CDC14A: variants seen among roughly 807,000 people sequenced by gnomAD.
The protein encoded by CDC14A is dual specificity protein phosphatase CDC14A.
CDC14A carries 53 observed loss-of-function variants against 74.4 expected under a neutral mutation model. The observed-to-expected ratio is 0.71, with a 90% CI of 0.57 to 0.89. CDC14A has a LOEUF of 0.89. Ranked by LOEUF, CDC14A falls within the 40% of genes least tolerant of loss-of-function variation. The pLI, the probability that CDC14A is intolerant of heterozygous loss-of-function variation, is 0.00. For missense variants in CDC14A, 646 were observed against 713.7 expected (o/e 0.91, Z 1.08); for synonymous variants, 247 against 258.4 (o/e 0.96, Z 0.43).
chr1:100,467,888 G>T, intron 9 of CDC14A, 68 bp from the exon 10 acceptor site: 1 of 1,445,896 alleles, frequency 6.9e-7, no homozygotes, highest in South Asian at 1.4e-5. Context: ...GGCAAGGTTT[G>T]ATTTCAGTGT....
In CDC14A at chr1:100,491,568, A is replaced by T. The variant is rs1238572394; in HGVS notation, c.1138-3250A>T. Among the ~76,000 whole-genome samples the T allele has an allele frequency of 4.7e-3, 356 of 76,480 alleles. 12 individuals are homozygous for T. Among genetic ancestry groups the T allele is most frequent in the African/African-American group, 0.021 (317 of 14,964 alleles). The allele number at this position is 76,480 out of a possible 152,430, so 50.2% of individuals were successfully genotyped here. A position where few individuals can be genotyped will look rare whatever the true frequency, so the allele number is the denominator to read the frequency against. ...TCTCTCTATATATATATATATATAT[A>T]TATATTTTTTTTTTTTTTTTTTTTT... On this transcript the variant is annotated intron_variant, in intron 11 of 15. Transcript: ENST00000336454.
At chr1:100,493,447 C>T (rs1251570232) in intron 11 of CDC14A, among the ~76,000 whole-genome samples, 2 of 152,250 alleles carry the variant, frequency 1.3e-5, no homozygotes, top group Non-Finnish European at 1.5e-5. Context: ...GCCTAGCTGT[C>T]AGACCTTCCT....
chr1:100,401,981 T>C (rs1571075639), intron 4 of CDC14A, among the ~76,000 whole-genome samples: 2 of 151,462 alleles, frequency 1.3e-5, no homozygotes, highest in African/African-American at 4.9e-5. Flanking sequence ...GAGGTTGTGG[T>C]GAGCCGAGAT....
chr1:100,386,368 C>A (rs1345999323), intron 3 of CDC14A, among the ~76,000 whole-genome samples: 3 of 152,148 alleles, frequency 2.0e-5, no homozygotes, highest in African/African-American at 7.2e-5. Context: ...TGGAATTGAC[C>A]AATTTTAAAC....
chr1:100,429,694 ATATATATAT>A (rs1663406574), intron 5 of CDC14A, among the ~76,000 whole-genome samples: 7 of 145,016 alleles, frequency 4.8e-5, no homozygotes, highest in Non-Finnish European at 1.1e-4. Context: ...CAAAATATAT[ATATATATAT>A]CAAGTATATT....
intron 2 of CDC14A, among the ~76,000 whole-genome samples, chr1:100,357,935 T>C (rs1408374665): frequency 6.6e-6 from 1 of 152,164 alleles, no homozygotes; most frequent in Non-Finnish European, 1.5e-5. Context: ...AATGTCAACC[T>C]TCTGAGATGC....
rs767620330 is a variant in CDC14A, at chr1:100,496,063, G to C, written c.1298+14G>C. 5.0e-6 allele frequency: 8 copies of C among 1,607,464 alleles called. No homozygotes were observed. Among genetic ancestry groups the C allele is most frequent in the Non-Finnish European group, 6.8e-6 (8 of 1,174,008 alleles). On this transcript the variant is annotated intron_variant, in intron 13 of 15. Coordinates refer to ENST00000336454, the MANE Select transcript of CDC14A (RefSeq NM_003672.4). Reference sequence around the variant, plus strand: ...CCAGCCTTTCAGGTACTGCCAATGAGGTTGAATGTCTAGTAGCTTGTAAAT... The same window carrying C: ...CCAGCCTTTCAGGTACTGCCAATGACGTTGAATGTCTAGTAGCTTGTAAAT...
intron 15 of CDC14A, among the ~76,000 whole-genome samples, chr1:100,516,602 TG>T (rs1650256887): frequency 6.6e-6 from 1 of 152,090 alleles, no homozygotes; most frequent in African/African-American, 2.4e-5. Context: ...TTCTTATAGC[TG>T]GGGGACTTAA....
At chr1:100,401,535 A>G (rs1419113335) in intron 4 of CDC14A, among the ~76,000 whole-genome samples, 1 of 152,252 alleles carries the variant, frequency 6.6e-6, no homozygotes, top group Non-Finnish European at 1.5e-5. Flanking sequence ...AAAGTGTGTT[A>G]TATAGAACTG....
At position 100,417,830 on chromosome 1, in the gene CDC14A, C is replaced by T. The variant is rs1477081252; in HGVS notation, c.310-6392C>T. Reference sequence around the variant, plus strand: ...CCTTTTGGGTAGATGCATTCTTATCCTTATATGTTTAAAGTAGCTGTTCAT... The same window carrying T: ...CCTTTTGGGTAGATGCATTCTTATCTTTATATGTTTAAAGTAGCTGTTCAT... On this transcript the variant is annotated intron_variant, in intron 4 of 15. Coordinates refer to ENST00000336454, the MANE Select transcript of CDC14A (RefSeq NM_003672.4). Among the ~76,000 whole-genome samples, 7 of 152,236 alleles carry T rather than the reference C, an allele frequency of 4.6e-5. No homozygotes were observed. The East Asian group carries it at 1.3e-3, about 29-fold the overall frequency.
intron 4 of CDC14A, among the ~76,000 whole-genome samples, chr1:100,420,031 T>TATACAC (rs1289903598): frequency 1.9e-4 from 16 of 82,882 alleles, no homozygotes; most frequent in African/African-American, 5.0e-4. Context: ...TATACATATA[T>TATACAC]ACACACACAC....
intron 5 of CDC14A, among the ~76,000 whole-genome samples, chr1:100,435,641 T>C (rs140904757): frequency 0.02 from 2,975 of 151,918 alleles, 107 homozygotes; most frequent in African/African-American, 0.069. Context: ...CCAGCCTGGC[T>C]GACATGGTAA....
chr1:100,396,114 G>C (rs967044545), intron 4 of CDC14A, among the ~76,000 whole-genome samples: 1 of 152,114 alleles, frequency 6.6e-6, no homozygotes, highest in Non-Finnish European at 1.5e-5. Context: ...TGTTTTGTTC[G>C]TCGCTGTGTG....
chr1:100,420,217 A>T (rs978170909), intron 4 of CDC14A, among the ~76,000 whole-genome samples: 1 of 146,262 alleles, frequency 6.8e-6, no homozygotes, highest in Non-Finnish European at 1.5e-5. Flanking sequence ...CCAGAGAAAG[A>T]TCATTAGCAA....
intron 11 of CDC14A, among the ~76,000 whole-genome samples, chr1:100,488,394 T>C (rs945787467): frequency 2.0e-5 from 3 of 152,182 alleles, no homozygotes; most frequent in African/African-American, 7.2e-5. Flanking sequence ...TTTGAACTTC[T>C]GTGCTCTGGC....
chr1:100,356,804 G>C (rs1651963396), intron 2 of CDC14A, among the ~76,000 whole-genome samples: 1 of 146,202 alleles, frequency 6.8e-6, no homozygotes, highest in East Asian at 2.0e-4. Flanking sequence ...AGGTTGCAGT[G>C]AGCTGAGATT....
intron 5 of CDC14A, among the ~76,000 whole-genome samples, chr1:100,426,731 C>T (rs1432470057): frequency 1.3e-5 from 2 of 152,090 alleles, no homozygotes; most frequent in Non-Finnish European, 2.9e-5. Flanking sequence ...TTTCTTTATG[C>T]ACGTATAAGT....
chr1:100,402,078 A>G (rs1659337784), intron 4 of CDC14A, among the ~76,000 whole-genome samples: 1 of 151,888 alleles, frequency 6.6e-6, no homozygotes, highest in Admixed American at 6.6e-5. Context: ...AAAGAGGAAT[A>G]CTAGAAAATT....
intron 9 of CDC14A, among the ~76,000 whole-genome samples, chr1:100,463,968 T>C (rs1222295047): frequency 6.6e-6 from 1 of 152,078 alleles, no homozygotes; most frequent in African/African-American, 2.4e-5. Context: ...AATCATCTAG[T>C]AGGTGTTGGG....
Sources: allele counts gnomAD v4.1 joint callset (sites outside exome capture counted in the v4.1 genomes callset), GRCh38; gene constraint gnomAD v4.1.1; transcripts MANE v1.5; gene names NCBI Gene and HGNC (gene_info 2026-07-23, HGNC 2026-07-21).